The following TMTC1 variants were observed in gnomAD, a reference collection of about 807,000 sequenced individuals.
TMTC1 encodes protein O-mannosyl-transferase TMTC1.
In TMTC1, 73 loss-of-function variants were observed where a neutral mutation model predicts 104.8. The ratio of observed to expected loss-of-function variants is 0.70; its 90% CI spans 0.58 to 0.85. The LOEUF (loss-of-function observed/expected upper bound fraction) is 0.85, where lower values mean the gene tolerates loss of function less well. Ranked by LOEUF, TMTC1 falls within the 40% of genes least tolerant of loss-of-function variation. The probability of loss-of-function intolerance (pLI) is 0.00; values close to 1 mark genes in which losing one functional copy is unlikely to be tolerated. For missense variants in TMTC1, 1,035 were observed against 1,096.1 expected, an observed-to-expected ratio of 0.94 and a Z score of 0.79; for synonymous variants, 434 against 428.7, an observed-to-expected ratio of 1.01 and a Z score of -0.15.
At chr12:29,633,444 A>G in intron 5 of TMTC1, 108 bp from the exon 6 acceptor site, 1 of 895,036 alleles carries the variant, frequency 1.1e-6, no homozygotes. Flanking sequence ...AGTCAATGTT[A>G]TCTTGGAGGA....
intron 10 of TMTC1, among the ~76,000 whole-genome samples, chr12:29,544,554 G>A (rs931042409): frequency 1.3e-5 from 2 of 152,164 alleles, no homozygotes; most frequent in Admixed American, 1.3e-4. Context: ...ATCCAGATGA[G>A]GTCACTGCTC....
At chr12:29,700,695 A>G (rs1437055788) in intron 5 of TMTC1, among the ~76,000 whole-genome samples, 1 of 152,234 alleles carries the variant, frequency 6.6e-6, no homozygotes, top group Non-Finnish European at 1.5e-5. Flanking sequence ...TCACTAAATT[A>G]AGTATTAATA....
chr12:29,636,098 C>T (rs180813777), intron 5 of TMTC1, among the ~76,000 whole-genome samples: 2 of 152,196 alleles, frequency 1.3e-5, no homozygotes, highest in East Asian at 3.9e-4. Context: ...GAAATACATA[C>T]TAACATACAC....
chr12:29,670,918 GCA>G, intron 5 of TMTC1, among the ~76,000 whole-genome samples: 1 of 115,620 alleles, frequency 8.6e-6, no homozygotes, highest in African/African-American at 3.7e-5. Context: ...CTGGGCCACA[GCA>G]CGAGACTCTG....
intron 9 of TMTC1, among the ~76,000 whole-genome samples, chr12:29,566,268 G>C (rs888579678): frequency 2.6e-5 from 4 of 152,148 alleles, no homozygotes; most frequent in Admixed American, 1.3e-4. Context: ...GATGTGGCTG[G>C]CATGCACGTG....
At chr12:29,594,536 C>G (rs191892338) in intron 7 of TMTC1, among the ~76,000 whole-genome samples, 2 of 152,304 alleles carry the variant, frequency 1.3e-5, no homozygotes, top group East Asian at 3.9e-4. Flanking sequence ...ACAAAGAAGG[C>G]TGCTAAAAGA....
chr12:29,563,258 A>C (rs1238967966), intron 9 of TMTC1, among the ~76,000 whole-genome samples: 2 of 152,202 alleles, frequency 1.3e-5, no homozygotes, highest in Non-Finnish European at 2.9e-5. Context: ...AATTCCAGAC[A>C]CGTGTAATTG....
intron 5 of TMTC1, among the ~76,000 whole-genome samples, chr12:29,697,980 G>A (rs1299699430): frequency 6.6e-6 from 1 of 152,136 alleles, no homozygotes; most frequent in Non-Finnish European, 1.5e-5. Context: ...TCCAGAAAAT[G>A]TCACCCCAAA....
In TMTC1 at chr12:29,572,211, C is replaced by T. The variant is rs1343889341; in HGVS notation, c.1426G>A (p.Val476Ile). 16 of 1,611,370 alleles carry T rather than the reference C, an allele frequency of 9.9e-6. No homozygotes were observed. The highest frequency in any genetic ancestry group is 1.6e-4 in the Middle Eastern group (1 of 6,066). ...LSRESLFRSG[V>I]QTLPHNAKVH... is the part of the protein sequence containing the mutation. Reference sequence around the variant, plus strand: ...TTGGCATTGTGGGGCAGAGTTTGAACTCCAGACCTAAAATGAATAAATTTT... The same window carrying T: ...TTGGCATTGTGGGGCAGAGTTTGAATTCCAGACCTAAAATGAATAAATTTT... The change falls in exon 9 of 18, where the codon GTT becomes ATT. Residue 476 changes from valine (V) to isoleucine (I), a missense_variant. Physicochemically the swap from Val to Ile is conservative, Grantham distance 29 (BLOSUM62 3). Transcript: ENST00000539277.
At position 29,536,893 on chromosome 12, in the gene TMTC1, A is replaced by T. The variant is rs571620859; in HGVS notation, c.1677-576T>A. On this transcript the variant is annotated intron_variant, in intron 10 of 17. Coordinates refer to ENST00000539277, the MANE Select transcript of TMTC1 (RefSeq NM_001193451.2). ...GTAAAGAATAATGAGACATTTTATCATCATATTTTTACTGAAAATTGAGGC... is the reference window on the plus strand; with the variant it reads ...GTAAAGAATAATGAGACATTTTATCTTCATATTTTTACTGAAAATTGAGGC... Among the ~76,000 whole-genome samples the T allele has an allele frequency of 9.8e-5, 15 of 152,346 alleles. No individual in the cohort carries two copies. In the East Asian group the frequency reaches 2.9e-3, roughly 29 times the overall value.
At position 29,558,877 on chromosome 12, in the gene TMTC1, C is replaced by T. The variant is rs576818925; in HGVS notation, c.1533-1877G>A. ...GGCAAAATATGTTTCTGTACCTGTC[C>T]CTTCACTCCATGCCCAGGAAAGTGT... On this transcript the variant is annotated intron_variant, in intron 9 of 17. Coordinates refer to ENST00000539277, the MANE Select transcript of TMTC1 (RefSeq NM_001193451.2). Among the ~76,000 whole-genome samples the T allele has an allele frequency of 2.0e-5, 3 of 152,242 alleles. No homozygotes were observed. The South Asian group carries it at 6.2e-4, about 32-fold the overall frequency.
At chr12:29,575,866 T>A (rs1592258104) in intron 8 of TMTC1, among the ~76,000 whole-genome samples, 1 of 152,216 alleles carries the variant, frequency 6.6e-6, no homozygotes, top group Admixed American at 6.5e-5. Flanking sequence ...CCACCAACAA[T>A]GTACAAAGGT....
At chr12:29,520,866 A>T in intron 11 of TMTC1, 146 bp from the exon 12 acceptor site, 1 of 632,398 alleles carries the variant, frequency 1.6e-6, no homozygotes, top group Non-Finnish European at 2.7e-6. Context: ...AGGCACTATG[A>T]ACTTTGTTTG....
At chr12:29,716,084 T>C (rs1016922259) in intron 5 of TMTC1, among the ~76,000 whole-genome samples, 3 of 151,608 alleles carry the variant, frequency 2.0e-5, no homozygotes, top group African/African-American at 7.3e-5. Flanking sequence ...AGTGGCAAGA[T>C]TATAACTTCC....
At chr12:29,674,538 A>G (rs1940648145) in intron 5 of TMTC1, among the ~76,000 whole-genome samples, 1 of 152,222 alleles carries the variant, frequency 6.6e-6, no homozygotes, top group Non-Finnish European at 1.5e-5. Context: ...AAAGAACGAA[A>G]TATTTTCCTA....
At chr12:29,628,149 A>C (rs1348765851) in intron 6 of TMTC1, among the ~76,000 whole-genome samples, 1 of 152,208 alleles carries the variant, frequency 6.6e-6, no homozygotes, top group Non-Finnish European at 1.5e-5. Flanking sequence ...GTGACATGTA[A>C]AACTTGTATT....
intron 9 of TMTC1, among the ~76,000 whole-genome samples, chr12:29,565,286 C>G: frequency 6.6e-6 from 1 of 152,134 alleles, no homozygotes; most frequent in East Asian, 1.9e-4. Flanking sequence ...CTGCTTTACT[C>G]AAAGTCTACT....
intron 5 of TMTC1, among the ~76,000 whole-genome samples, chr12:29,742,393 C>T (rs1942850405): frequency 6.6e-6 from 1 of 152,092 alleles, no homozygotes; most frequent in Non-Finnish European, 1.5e-5. Context: ...TCTTTAATGA[C>T]AGGTCGCTCA....
At chr12:29,519,495 A>G (rs1475862262) in intron 12 of TMTC1, 1 of 152,232 alleles carries the variant, frequency 6.6e-6, no homozygotes, top group Non-Finnish European at 1.5e-5. Flanking sequence ...ACACTTTAGA[A>G]CACTGTGAAA....
Sources: gnomAD v4.1 joint callset for allele counts (sites outside exome capture counted in the v4.1 genomes callset) on GRCh38, gnomAD v4.1.1 for gene constraint, MANE v1.5 for transcripts, NCBI Gene and HGNC (gene_info 2026-07-23, HGNC 2026-07-21) for gene names.